Variants in SYNE3 observed in about 807,000 individuals in gnomAD.
SYNE3 encodes the protein spectrin repeat containing nuclear envelope family member 3, also known as nesprin-3.
SYNE3 carries 100 observed loss-of-function variants against 111.2 expected under a neutral mutation model. The observed-to-expected ratio is 0.90, with a 90% confidence interval of 0.77 to 1.06. The LOEUF (loss-of-function observed/expected upper bound fraction) is 1.06. Ranked by LOEUF, SYNE3 falls within the 50% of genes least tolerant of loss-of-function variation. The pLI, the probability that SYNE3 is intolerant of heterozygous loss-of-function variation, is 0.00. For synonymous variants in SYNE3, 547 were observed against 533.9 expected (o/e 1.02, Z -0.34); for missense variants, 1,160 against 1,240.3 (o/e 0.94, Z 0.97).
rs1887642935 is a variant in SYNE3 at position 95,459,203 on chromosome 14, C to T, written c.628-1865G>A. 2.0e-5 allele frequency among the ~76,000 whole-genome samples: 3 copies of T among 152,206 alleles called. No homozygotes were observed. The South Asian group carries it at 6.2e-4, about 32-fold the overall frequency. On this transcript the variant is annotated intron_variant, in intron 4 of 17. Coordinates refer to ENST00000682763, the MANE Select transcript of SYNE3 (RefSeq NM_152592.6). ...TCCAATAAAACTTTAATTATGAACA[C>T]TGACAGGTTTTTCATATCATTTTCA...
At chr14:95,462,282 C>T (rs1441351919) in intron 4 of SYNE3, among the ~76,000 whole-genome samples, 1 of 152,208 alleles carries the variant, frequency 6.6e-6, no homozygotes, top group Non-Finnish European at 1.5e-5. Flanking sequence ...CCAGGGTACA[C>T]CACAGCCCTC....
chr14:95,496,112 G>A (rs910895153), intron 1 of SYNE3, among the ~76,000 whole-genome samples: 12 of 152,324 alleles, frequency 7.9e-5, no homozygotes, highest in Middle Eastern at 3.4e-3. Flanking sequence ...GGTTGTGGTC[G>A]TCTTGTCTTC....
chr14:95,475,659 A>C lies in SYNE3; in HGVS notation c.144+19T>G. 6.7e-7 allele frequency: 1 copy of C among 1,492,474 alleles called. No individual in the cohort carries two copies. Among genetic ancestry groups the C allele is most frequent in the Non-Finnish European group, 8.9e-7 (1 of 1,123,094 alleles). The allele number at this position is 1,492,474 out of a possible 1,614,324, so 92.5% of individuals were successfully genotyped here. A position where few individuals can be genotyped will look rare whatever the true frequency, so the allele number is the denominator to read the frequency against. Reference sequence around the variant, plus strand: ...GGGGCCAAGACCACAGGGCCATCTGAGGCCACGCCTCTGCATACCTCGGTC... The same window carrying C: ...GGGGCCAAGACCACAGGGCCATCTGCGGCCACGCCTCTGCATACCTCGGTC... On this transcript the variant is annotated intron_variant, in intron 2 of 17. Coordinates refer to ENST00000682763, the MANE Select transcript of SYNE3 (RefSeq NM_152592.6).
At chr14:95,480,772 A>AT (rs1282301124) in intron 1 of SYNE3, among the ~76,000 whole-genome samples, 1 of 151,502 alleles carries the variant, frequency 6.6e-6, no homozygotes, top group Non-Finnish European at 1.5e-5. Context: ...GAAAAAAAAA[A>AT]GGCCAGCCAT....
rs1169011774 is a variant in SYNE3, at chr14:95,485,313, GAGA to G, written c.-14-9481_-14-9479del. 7.2e-5 allele frequency among the ~76,000 whole-genome samples: 11 copies of G among 152,120 alleles called. No individual in the cohort carries two copies. Among genetic ancestry groups the G allele is most frequent in the Non-Finnish European group, 1.2e-4 (8 of 68,032 alleles). On this transcript the variant is annotated intron_variant, in intron 1 of 17. Coordinates refer to ENST00000682763, the MANE Select transcript of SYNE3 (RefSeq NM_152592.6). The surrounding 1 kb of genome is among the most constrained non-coding windows in gnomAD (Gnocchi z 4.3). The stretch of plus-strand genomic sequence containing the variant: ...GAGCAGAGCAGGCTTCCTCCTCTTG[GAGA>G]AGGACAGAGTGAGGCGGGGCTGCTG...
intron 16 of SYNE3, among the ~76,000 whole-genome samples, chr14:95,432,920 C>G (rs1335385070): frequency 2.0e-5 from 3 of 152,234 alleles, no homozygotes; most frequent in Admixed American, 2.0e-4. Context: ...TCTGGAGATA[C>G]AATGACTTGA....
chr14:95,446,263 G>A (rs1209976323), intron 8 of SYNE3, among the ~76,000 whole-genome samples, 172 bp from the exon 9 acceptor site: 3 of 152,194 alleles, frequency 2.0e-5, no homozygotes, highest in Non-Finnish European at 1.5e-5. Flanking sequence ...GGAATGCGCT[G>A]GCAAGGCCCT....
intron 17 of SYNE3, among the ~76,000 whole-genome samples, chr14:95,421,714 G>A (rs1391395202): frequency 6.6e-6 from 1 of 152,224 alleles, no homozygotes; most frequent in African/African-American, 2.4e-5. Context: ...CCCTCTGCCA[G>A]GGATGCAGGG....
intron 11 of SYNE3, among the ~76,000 whole-genome samples, 189 bp downstream of exon 11, chr14:95,442,966 A>T (rs530998603): frequency 9.8e-5 from 15 of 152,318 alleles, no homozygotes; most frequent in African/African-American, 3.6e-4. Context: ...CACCTAGAAC[A>T]CTGCCTGGCA....
intron 1 of SYNE3, among the ~76,000 whole-genome samples, chr14:95,503,498 T>G (rs1272855503): frequency 1.3e-5 from 2 of 152,166 alleles, no homozygotes; most frequent in East Asian, 3.8e-4. Context: ...TATGACAAGT[T>G]TCCTCTGCTC....
chr14:95,423,286 C>A (rs1014286055), intron 17 of SYNE3, among the ~76,000 whole-genome samples: 3 of 152,170 alleles, frequency 2.0e-5, no homozygotes, highest in Non-Finnish European at 4.4e-5. Flanking sequence ...AAGGACGGAG[C>A]CTCATCCAGG....
At chr14:95,447,278 C>T (rs947812658) in intron 8 of SYNE3, among the ~76,000 whole-genome samples, 8 of 152,016 alleles carry the variant, frequency 5.3e-5, no homozygotes, top group Non-Finnish European at 8.8e-5. Context: ...GGACTACAGG[C>T]GCCCACCACC....
intron 1 of SYNE3, among the ~76,000 whole-genome samples, chr14:95,498,804 A>G (rs1336995364): frequency 6.6e-6 from 1 of 152,096 alleles, no homozygotes; most frequent in East Asian, 1.9e-4. Flanking sequence ...CCTCAACACA[A>G]ATAAGCCACC....
At chr14:95,513,971 T>G (rs929902987) in intron 1 of SYNE3, among the ~76,000 whole-genome samples, 6 of 151,918 alleles carry the variant, frequency 3.9e-5, no homozygotes, top group African/African-American at 1.4e-4. Flanking sequence ...AGCCGCTGGA[T>G]ATCAGCCTTC....
In SYNE3 at chr14:95,460,259, C is replaced by T. The variant is rs181485464; in HGVS notation, c.628-2921G>A. On this transcript the variant is annotated intron_variant, in intron 4 of 17. Coordinates refer to ENST00000682763, the MANE Select transcript of SYNE3 (RefSeq NM_152592.6). ...TCACTCTGTTGCCTAGACTGGAGTACAATGGCCTGATCTTGGCTCACTGTA... is the reference window on the plus strand; with the variant it reads ...TCACTCTGTTGCCTAGACTGGAGTATAATGGCCTGATCTTGGCTCACTGTA... 1.7e-3 allele frequency among the ~76,000 whole-genome samples: 265 copies of T among 151,610 alleles called. 2 individuals are homozygous for T. The highest frequency in any genetic ancestry group is 6.1e-3 in the African/African-American group (253 of 41,356).
intron 11 of SYNE3, 79 bp from the exon 12 acceptor site, chr14:95,440,154 G>A: frequency 6.7e-7 from 1 of 1,493,766 alleles, no homozygotes; most frequent in East Asian, 2.3e-5. Context: ...CCACCCTGCA[G>A]GGCTCTCACA....
intron 1 of SYNE3, among the ~76,000 whole-genome samples, chr14:95,514,573 G>A (rs138677171): frequency 7.7e-4 from 117 of 152,356 alleles, no homozygotes; most frequent in Non-Finnish European, 7.9e-4. Context: ...GGCAAAGCTC[G>A]TTTAGTGCTC....
At chr14:95,449,644 G>A (rs777651268) in intron 8 of SYNE3, 2 of 985,302 alleles carry the variant, frequency 2.0e-6, no homozygotes, top group African/African-American at 1.7e-5. Flanking sequence ...GCCTGAGAAC[G>A]CTGCTCTCTC....
intron 1 of SYNE3, among the ~76,000 whole-genome samples, chr14:95,508,390 A>G (rs1439892596): frequency 1.3e-5 from 2 of 152,230 alleles, no homozygotes; most frequent in Non-Finnish European, 2.9e-5. Context: ...CATTCTAGAA[A>G]TATGGACAGT....
Sources: gnomAD v4.1 joint callset for allele counts (sites outside exome capture counted in the v4.1 genomes callset) on GRCh38, gnomAD v4.1.1 for gene constraint, Gnocchi (gnomAD v3.1) non-coding constraint, MANE v1.5 for transcripts, NCBI Gene and HGNC (gene_info 2026-07-23, HGNC 2026-07-21) for gene names.